Variants in PCDHAC1 observed in about 807,000 individuals in gnomAD.
The protein encoded by PCDHAC1 is protocadherin alpha subfamily C, 1.
In PCDHAC1, 42 loss-of-function variants were observed where a neutral mutation model predicts 60.0. That is an observed-to-expected ratio of 0.70 (90% CI 0.55 to 0.90). PCDHAC1 has a LOEUF of 0.90. Among genes scored for constraint, PCDHAC1 ranks in the 40% least tolerant of loss-of-function variants. PCDHAC1 has a pLI of 0.00. For synonymous variants in PCDHAC1, 468 were observed against 499.3 expected (o/e 0.94, Z 0.84); for missense variants, 1,160 against 1,222.3 (o/e 0.95, Z 0.76).
At chr5:141,005,556 G>T (rs62384513) in intron 3 of PCDHAC1, among the ~76,000 whole-genome samples, 1 of 151,476 alleles carries the variant, frequency 6.6e-6, no homozygotes, top group South Asian at 2.1e-4. Flanking sequence ...ACAAAAATTA[G>T]CCGGGCATGG....
intron 3 of PCDHAC1, among the ~76,000 whole-genome samples, chr5:141,006,540 A>T (rs868906531): frequency 1.6e-4 from 25 of 152,182 alleles, no homozygotes; most frequent in Admixed American, 3.3e-4. Context: ...AAAGAGAGAC[A>T]TTAAGAAATA....
At chr5:141,004,179 G>A (rs2098156608) in intron 3 of PCDHAC1, among the ~76,000 whole-genome samples, 1 of 152,206 alleles carries the variant, frequency 6.6e-6, no homozygotes, top group Non-Finnish European at 1.5e-5. Flanking sequence ...CAAGTGTCTT[G>A]AGTGCTCTTA....
intron 3 of PCDHAC1, among the ~76,000 whole-genome samples, chr5:140,985,577 G>GC (rs1195077647): frequency 6.6e-6 from 1 of 152,116 alleles, no homozygotes; most frequent in Non-Finnish European, 1.5e-5. Flanking sequence ...TGGTGCCTAA[G>GC]CCTCCTTATA....
In PCDHAC1 at chr5:140,982,489, A is replaced by G. The variant is rs782634646; in HGVS notation, c.2507A>G (p.Glu836Gly). The change falls in exon 3 of 4, where the codon GAG (glutamate) becomes GGG (glycine). Residue 836 changes from glutamate to glycine, a missense_variant. By Grantham distance (98) the Glu-to-Gly change is moderately conservative. Transcript: ENST00000253807. ...RAGMHSSVHL[E>G]EAGILRAGPG... ...TGTTTATTCAGCTCTGTGCACCTAG[A>G]GGAGGCTGGCATTCTACGGGCTGGT... 3 of 1,614,066 alleles carry G rather than the reference A, an allele frequency of 1.9e-6. No individual in the cohort carries two copies. The African/African-American group carries it at 4.0e-5, about 22-fold the overall frequency.
At chr5:140,984,471 A>G (rs2153834399) in intron 3 of PCDHAC1, among the ~76,000 whole-genome samples, 1 of 152,300 alleles carries the variant, frequency 6.6e-6, no homozygotes, top group Middle Eastern at 3.4e-3. Context: ...CCCCTCTTGT[A>G]TAACCCATTT....
intron 3 of PCDHAC1, among the ~76,000 whole-genome samples, chr5:140,990,378 T>G (rs1554251448): frequency 6.6e-6 from 1 of 152,128 alleles, no homozygotes; most frequent in African/African-American, 2.4e-5. Context: ...GCAAATTTGT[T>G]GGTGATGTTC....
chr5:140,929,250 G>A lies in PCDHAC1; in HGVS notation c.2358G>A (p.Gly786=), dbSNP rs995042103. Residue 786 remains glycine, a synonymous_variant, in exon 1 of 4, where the codon GGG becomes GGA. Coordinates refer to ENST00000253807, the MANE Select transcript of PCDHAC1 (RefSeq NM_018898.5). ...CCGACCTGCGAAATCTTGCCACTGG[G>A]GTAGGACTGAATTTGCCAATATCCT... The part of the protein sequence containing the change: ...NAADLRNLAT[G]VGLNLPISCI... 2 of 1,613,420 alleles carry A rather than the reference G, an allele frequency of 1.2e-6. No individual in the cohort carries two copies. The highest frequency in any genetic ancestry group is 1.7e-5 in the Admixed American group (1 of 59,974).
At chr5:140,987,949 A>G (rs1251112253) in intron 3 of PCDHAC1, among the ~76,000 whole-genome samples, 1 of 152,162 alleles carries the variant, frequency 6.6e-6, no homozygotes, top group Non-Finnish European at 1.5e-5. Context: ...CTGTCTGACA[A>G]AACCAACTCC....
At chr5:140,932,145 C>G (rs1231469475) in intron 1 of PCDHAC1, among the ~76,000 whole-genome samples, 2 of 151,710 alleles carry the variant, frequency 1.3e-5, no homozygotes, top group African/African-American at 4.8e-5. Context: ...AAAATTGATT[C>G]ACTGATTGTA....
rs1280903830 is a variant in PCDHAC1, at chr5:140,927,541, G to T, written c.649G>T (p.Ala217Ser). 4 of 1,613,996 alleles carry T rather than the reference G, an allele frequency of 2.5e-6. No homozygotes were observed. The East Asian group carries it at 6.7e-5, about 27-fold the overall frequency. Residue 217 changes from alanine to serine, a missense_variant, in exon 1 of 4, where the codon GCA becomes TCA. Around this residue, in one of 3 missense-constraint regions of PCDHAC1, gnomAD observed 1,113 missense variants for 1,163.7 expected, o/e 0.96. Coordinates refer to ENST00000253807, the MANE Select transcript of PCDHAC1 (RefSeq NM_018898.5). Reference protein sequence around the residue: ...DGGLPARSGDAQVTIIVVDTN... With the variant: ...DGGLPARSGDSQVTIIVVDTN... ...CGGGCTACCTGCCCGCTCAGGAGAC[G>T]CACAAGTCACCATCATTGTGGTGGA...
At chr5:140,964,015 A>G (rs1466689123) in intron 1 of PCDHAC1, among the ~76,000 whole-genome samples, 1 of 152,178 alleles carries the variant, frequency 6.6e-6, no homozygotes. Context: ...TTTAATAGAG[A>G]GCTCTTGAAG....
intron 1 of PCDHAC1, among the ~76,000 whole-genome samples, chr5:140,951,473 C>G (rs1009151700): frequency 1.3e-5 from 2 of 151,880 alleles, no homozygotes; most frequent in Non-Finnish European, 2.9e-5. Context: ...TTCTGGGGAG[C>G]CTTCAAGAAT....
In PCDHAC1 at chr5:140,927,494, T is replaced by C. The variant is rs1235909927; in HGVS notation, c.602T>C (p.Leu201Pro). ...LDREQRATHL[L>P]VLTARDGGLP... ...CGCGAACAGCGCGCCACCCACCTGC[T>C]GGTGCTTACAGCTCGGGACGGCGGG... The change falls in exon 1 of 4, where the codon CTG becomes CCG. Residue 201 changes from leucine to proline, a missense_variant. Leu to Pro is a moderately conservative substitution (Grantham distance 98). Coordinates refer to ENST00000253807, the MANE Select transcript of PCDHAC1 (RefSeq NM_018898.5). The C allele has an allele frequency of 3.1e-6, 5 of 1,614,018 alleles. No individual in the cohort carries two copies. The highest frequency in any genetic ancestry group is 4.2e-6 in the Non-Finnish European group (5 of 1,180,054).
chr5:141,005,814 A>G (rs947359019), intron 3 of PCDHAC1, among the ~76,000 whole-genome samples: 1 of 149,766 alleles, frequency 6.7e-6, no homozygotes, highest in Non-Finnish European at 1.5e-5. Context: ...GGAGCCAGGT[A>G]TGGTGGCCTG....
chr5:140,926,948 CG>C lies in PCDHAC1; in HGVS notation c.59del (p.Gly20AspfsTer15). On this transcript the variant is annotated frameshift_variant, in exon 1 of 4. Coordinates refer to ENST00000253807, the MANE Select transcript of PCDHAC1 (RefSeq NM_018898.5). LOFTEE classifies it high-confidence loss of function. ...LCLWVSCGAA[A>X]GQLEYSVPEE... ...TTGTGGGTTTCCTGCGGCGCTGCAG[CG>C]GGACAGCTCGAGTACTCAGTGCCGG... 1.3e-6 allele frequency: 2 copies of C among 1,589,778 alleles called. No individual in the cohort carries two copies. The highest frequency in any genetic ancestry group is 1.3e-5 in the African/African-American group (1 of 74,338).
At chr5:141,002,097 G>A (rs782083569) in intron 3 of PCDHAC1, among the ~76,000 whole-genome samples, 3 of 152,230 alleles carry the variant, frequency 2.0e-5, no homozygotes, top group Non-Finnish European at 4.4e-5. Flanking sequence ...TCCAGGGGCT[G>A]GGCCGGAAAC....
chr5:140,928,814 A>T lies in PCDHAC1; in HGVS notation c.1922A>T (p.His641Leu), dbSNP rs782622875. 5.6e-6 allele frequency: 9 copies of T among 1,614,150 alleles called. No individual in the cohort carries two copies. Among genetic ancestry groups the T allele is most frequent in the Non-Finnish European group, 7.6e-6 (9 of 1,180,042 alleles). ...AGGGTGGTGGTAGTGGTTCGGGACC[A>T]TGGAGACCCACCACTTTCCTCCTCT... The part of the protein sequence containing the change: ...KQRVVVVVRD[H>L]GDPPLSSSVT... Residue 641 changes from histidine (H) to leucine (L), a missense_variant, in exon 1 of 4, where the codon CAT becomes CTT. Physicochemically the swap from His to Leu is moderately conservative, Grantham distance 99. This residue lies in a region of PCDHAC1 where 1,113 missense variants were observed against 1,163.7 expected (regional missense o/e 0.96). Transcript: ENST00000253807.
intron 1 of PCDHAC1, among the ~76,000 whole-genome samples, chr5:140,941,255 C>CTTTCTTTCTCTT (rs782490896): frequency 9.0e-5 from 4 of 44,506 alleles, no homozygotes; most frequent in Non-Finnish European, 1.5e-4. Flanking sequence ...TTCTTTCTTT[C>CTTTCTTTCTCTT]TCTTTCTTTC....
At chr5:140,945,954 A>G (rs187878503) in intron 1 of PCDHAC1, among the ~76,000 whole-genome samples, 130 of 152,264 alleles carry the variant, frequency 8.5e-4, no homozygotes, top group Non-Finnish European at 1.6e-3. Flanking sequence ...ATGACCCTGA[A>G]AGCACAGGCA....
Sources: gnomAD v4.1 joint callset for allele counts (sites outside exome capture counted in the v4.1 genomes callset) on GRCh38, gnomAD v4.1.1 for gene constraint, gnomAD v4.1.1 regional missense constraint, MANE v1.5 for transcripts, NCBI Gene and HGNC (gene_info 2026-07-23, HGNC 2026-07-21) for gene names.